Variants in GAPVD1 observed in about 807,000 individuals in gnomAD.
GAPVD1 encodes GTPase activating protein and VPS9 domains 1.
In GAPVD1, 35 loss-of-function variants were observed where a neutral mutation model predicts 155.5. That is an observed-to-expected ratio of 0.23 (90% CI 0.17 to 0.30). The LOEUF is 0.30. Ranked by LOEUF, GAPVD1 falls within the 10% of genes least tolerant of loss-of-function variation. The pLI, the probability that GAPVD1 is intolerant of heterozygous loss-of-function variation, is 1.00. For synonymous variants in GAPVD1, 636 were observed against 619.7 expected (o/e 1.03, Z -0.39); for missense variants, 1,429 against 1,775.7 (o/e 0.80, Z 3.51).
chr9:125,266,671 T>C (rs1429063374), intron 1 of GAPVD1, among the ~76,000 whole-genome samples: 2 of 152,158 alleles, frequency 1.3e-5, no homozygotes, highest in Non-Finnish European at 2.9e-5. Flanking sequence ...TAGACACTAC[T>C]GTGACAACAG....
chr9:125,283,102 C>G (rs560570038), intron 2 of GAPVD1, among the ~76,000 whole-genome samples: 1 of 151,260 alleles, frequency 6.6e-6, no homozygotes, highest in East Asian at 1.9e-4. Context: ...CTCTGTCGCC[C>G]AGGCTGGAGT....
chr9:125,344,369 T>C (rs1276776987), intron 19 of GAPVD1, among the ~76,000 whole-genome samples: 1 of 152,168 alleles, frequency 6.6e-6, no homozygotes, highest in Non-Finnish European at 1.5e-5. Context: ...CATAGTTGGG[T>C]TTTATATCAT....
In GAPVD1 at chr9:125,323,806, A is replaced by G. The variant is rs755103690; in HGVS notation, c.1741A>G (p.Asn581Asp). 4.3e-6 allele frequency: 7 copies of G among 1,613,756 alleles called. No homozygotes were observed. Among genetic ancestry groups the G allele is most frequent in the Non-Finnish European group, 5.1e-6 (6 of 1,179,804 alleles). The change falls in exon 11 of 28, where the codon AAT (asparagine) becomes GAT (aspartate). Residue 581 changes from asparagine (N) to aspartate (D), a missense_variant. Around this residue, in one of 4 missense-constraint regions of GAPVD1, gnomAD observed 628 missense variants for 733.4 expected, o/e 0.86. Coordinates refer to ENST00000297933, the MANE Select transcript of GAPVD1 (RefSeq NM_001282680.3). The part of the protein sequence containing the change: ...NLEGISEGPS[N>D]RSNSVSSLDL... Reference sequence around the variant, plus strand: ...TATAAACATTTCTCTAGGTCCTTCAAATCGCTCCAATTCAGTGTCCTCCCT... The same window carrying G: ...TATAAACATTTCTCTAGGTCCTTCAGATCGCTCCAATTCAGTGTCCTCCCT...
chr9:125,338,203 T>G (rs1847311683), intron 17 of GAPVD1, among the ~76,000 whole-genome samples: 1 of 152,178 alleles, frequency 6.6e-6, no homozygotes, highest in African/African-American at 2.4e-5. Context: ...TTAAACAATT[T>G]TAAAGTTACA....
At position 125,362,608 on chromosome 9, in the gene GAPVD1, A is replaced by G; in HGVS notation, c.4245A>G (p.Ala1415=). 1 of 1,595,930 alleles carries G rather than the reference A, an allele frequency of 6.3e-7. No individual in the cohort carries two copies. The highest frequency in any genetic ancestry group is 1.2e-5 in the South Asian group (1 of 86,956). The change falls in exon 28 of 28, where the codon GCA becomes GCG. Residue 1415 remains alanine (A), a splice_region_variant and synonymous_variant. Coordinates refer to ENST00000297933, the MANE Select transcript of GAPVD1 (RefSeq NM_001282680.3). ...TTTTTTATTTTTCACTTCTCTAGGCAAATCCACCCTGTTTGCTGTCTACTG... is the reference window on the plus strand; with the variant it reads ...TTTTTTATTTTTCACTTCTCTAGGCGAATCCACCCTGTTTGCTGTCTACTG... ...VPVLVFVLIK[A]NPPCLLSTVQ... is the part of the protein sequence containing the mutation.
chr9:125,320,039 G>A (rs1237690190), intron 9 of GAPVD1, among the ~76,000 whole-genome samples: 2 of 151,780 alleles, frequency 1.3e-5, no homozygotes, highest in Non-Finnish European at 2.9e-5. Flanking sequence ...TGACAAAATT[G>A]TATCTATTTA....
At chr9:125,344,924 C>T (rs774092673) in intron 19 of GAPVD1, among the ~76,000 whole-genome samples, 27 of 152,032 alleles carry the variant, frequency 1.8e-4, no homozygotes, top group Admixed American at 9.2e-4. Context: ...TTAAGAATCT[C>T]TTATGAATTC....
At chr9:125,306,942 C>T (rs1374596921) in intron 6 of GAPVD1, among the ~76,000 whole-genome samples, 1 of 152,154 alleles carries the variant, frequency 6.6e-6, no homozygotes, top group Non-Finnish European at 1.5e-5. Flanking sequence ...CCAGTCTGGG[C>T]AACATGGTGA....
intron 6 of GAPVD1, among the ~76,000 whole-genome samples, chr9:125,306,641 C>T (rs145376965): frequency 1.6e-4 from 24 of 151,672 alleles, no homozygotes; most frequent in East Asian, 7.8e-4. Flanking sequence ...TGCAGGTGCG[C>T]GCCACCACAC....
At chr9:125,282,772 G>C (rs1836993158) in intron 2 of GAPVD1, among the ~76,000 whole-genome samples, 1 of 152,036 alleles carries the variant, frequency 6.6e-6, no homozygotes, top group African/African-American at 2.4e-5. Context: ...AATAAACTTT[G>C]GTGAAGTGCC....
intron 1 of GAPVD1, among the ~76,000 whole-genome samples, chr9:125,265,849 C>G (rs957739267): frequency 4.1e-5 from 6 of 146,976 alleles, no homozygotes; most frequent in Non-Finnish European, 8.9e-5. Flanking sequence ...CACTTGAGTC[C>G]TTGAACCCGG....
chr9:125,332,090 A>T, intron 14 of GAPVD1, 30 bp downstream of exon 14: 3 of 1,607,766 alleles, frequency 1.9e-6, no homozygotes, highest in Non-Finnish European at 2.6e-6. Flanking sequence ...AGGAGTAGGG[A>T]TTTGAAGGTG....
At chr9:125,287,235 G>A (rs1173492520) in intron 2 of GAPVD1, among the ~76,000 whole-genome samples, 2 of 151,930 alleles carry the variant, frequency 1.3e-5, no homozygotes, top group Middle Eastern at 3.4e-3. Flanking sequence ...GAAACATGAC[G>A]ATGAACTCAA....
intron 2 of GAPVD1, among the ~76,000 whole-genome samples, chr9:125,274,310 C>G (rs911925751): frequency 6.6e-6 from 1 of 151,678 alleles, no homozygotes; most frequent in African/African-American, 2.4e-5. Context: ...GAGCCACTAT[C>G]CTGGGCCTGT....
chr9:125,352,474 C>T (rs983997586), intron 23 of GAPVD1, among the ~76,000 whole-genome samples: 1 of 152,228 alleles, frequency 6.6e-6, no homozygotes, highest in Non-Finnish European at 1.5e-5. Flanking sequence ...GAAGCCACAG[C>T]CTGAGCTCTG....
intron 6 of GAPVD1, among the ~76,000 whole-genome samples, chr9:125,305,660 C>T (rs1219214599): frequency 1.3e-5 from 2 of 151,886 alleles, no homozygotes; most frequent in East Asian, 1.9e-4. Context: ...TGAGCCACCG[C>T]GCCTGGCCAA....
chr9:125,266,364 A>T (rs1033226290), intron 1 of GAPVD1, among the ~76,000 whole-genome samples: 7 of 151,278 alleles, frequency 4.6e-5, no homozygotes, highest in Non-Finnish European at 7.4e-5. Context: ...CCCAGGCTGG[A>T]GTGCAGTGGC....
At chr9:125,279,181 G>T (rs989129754) in intron 2 of GAPVD1, among the ~76,000 whole-genome samples, 1 of 148,834 alleles carries the variant, frequency 6.7e-6, no homozygotes, top group Non-Finnish European at 1.5e-5. Flanking sequence ...CACTGCACTC[G>T]TCTGGGAGAC....
At chr9:125,291,554 A>G (rs549588933) in intron 2 of GAPVD1, among the ~76,000 whole-genome samples, 3 of 152,304 alleles carry the variant, frequency 2.0e-5, no homozygotes, top group Admixed American at 2.0e-4. Context: ...TTGTGGGGTC[A>G]TATGATTGTT....
Sources: gnomAD v4.1 joint callset for allele counts (sites outside exome capture counted in the v4.1 genomes callset) on GRCh38, gnomAD v4.1.1 for gene constraint, gnomAD v4.1.1 regional missense constraint, MANE v1.5 for transcripts, NCBI Gene and HGNC (gene_info 2026-07-23, HGNC 2026-07-21) for gene names.